Variants in PCDH7 observed in about 807,000 individuals in gnomAD.
PCDH7 encodes protocadherin-7.
In PCDH7, 17 loss-of-function variants were observed where a neutral mutation model predicts 58.9. The ratio of observed to expected loss-of-function variants is 0.29; its 90% CI spans 0.20 to 0.43. The LOEUF (loss-of-function observed/expected upper bound fraction) is 0.43. Among genes scored for constraint, PCDH7 ranks in the 20% least tolerant of loss-of-function variants. The probability of loss-of-function intolerance (pLI) is 1.00; values close to 1 mark genes in which losing one functional copy is unlikely to be tolerated. For synonymous variants in PCDH7, 664 were observed against 616.4 expected (o/e 1.08, Z -1.14); for missense variants, 1,274 against 1,441.0 (o/e 0.88, Z 1.88).
At chr4:31,112,724 G>A (rs1716480811) in intron 3 of PCDH7, among the ~76,000 whole-genome samples, 1 of 152,090 alleles carries the variant, frequency 6.6e-6, no homozygotes, top group African/African-American at 2.4e-5. Flanking sequence ...TACAATGCAG[G>A]TATTTTTACA....
intron 3 of PCDH7, among the ~76,000 whole-genome samples, chr4:31,117,337 G>T (rs1717124122): frequency 6.6e-6 from 1 of 152,172 alleles, no homozygotes; most frequent in African/African-American, 2.4e-5. Context: ...GCAAATGGGT[G>T]CTGTACCCTA....
chr4:30,724,884 C>T, intron 1 of PCDH7: 1 of 1,194,350 alleles, frequency 8.4e-7, no homozygotes, highest in South Asian at 3.7e-5. Context: ...ATTCATACTA[C>T]ATTTTTTTGT....
chr4:30,958,682 T>C (rs767614109), intron 3 of PCDH7, among the ~76,000 whole-genome samples: 4 of 152,016 alleles, frequency 2.6e-5, no homozygotes, highest in Non-Finnish European at 4.4e-5. Flanking sequence ...AAATAAATGA[T>C]TATGGTACAT....
chr4:31,133,497 A>G (rs958547313), intron 3 of PCDH7, among the ~76,000 whole-genome samples: 1 of 152,194 alleles, frequency 6.6e-6, no homozygotes, highest in East Asian at 1.9e-4. Context: ...TTATTGTGGA[A>G]TATATGCCCC....
intron 3 of PCDH7, among the ~76,000 whole-genome samples, chr4:30,950,717 C>T (rs895655495): frequency 6.6e-5 from 10 of 151,950 alleles, no homozygotes; most frequent in African/African-American, 2.2e-4. Context: ...ATCTAAATAC[C>T]CTACAAAGCT....
intron 3 of PCDH7, among the ~76,000 whole-genome samples, chr4:31,012,622 A>G (rs1402343150): frequency 1.3e-5 from 2 of 150,734 alleles, no homozygotes; most frequent in East Asian, 2.2e-4. Context: ...TAACACTTGC[A>G]TTAATCTTGC....
At chr4:31,065,575 A>G (rs562017634) in intron 3 of PCDH7, among the ~76,000 whole-genome samples, 53 of 152,118 alleles carry the variant, frequency 3.5e-4, no homozygotes, top group African/African-American at 1.2e-3. Context: ...CTTTAAAAAA[A>G]TAAGTGGCAT....
intron 1 of PCDH7, among the ~76,000 whole-genome samples, chr4:30,838,081 T>A (rs547990931): frequency 1.7e-4 from 26 of 151,998 alleles, no homozygotes; most frequent in South Asian, 8.3e-4. Flanking sequence ...ACTTCAGTTG[T>A]GTACAGAATG....
intron 3 of PCDH7, among the ~76,000 whole-genome samples, chr4:30,991,121 C>A (rs552667456): frequency 1.3e-5 from 2 of 152,046 alleles, no homozygotes; most frequent in African/African-American, 4.8e-5. Context: ...TTCAAAAAGC[C>A]ATCTATTTTT....
intron 1 of PCDH7, among the ~76,000 whole-genome samples, chr4:30,784,699 A>G (rs1723184684): frequency 6.6e-6 from 1 of 152,092 alleles, no homozygotes; most frequent in African/African-American, 2.4e-5. Flanking sequence ...CGCTTAAGAA[A>G]AGAAGAGAAA....
At chr4:30,894,516 T>C (rs200539662) in intron 1 of PCDH7, among the ~76,000 whole-genome samples, 339 of 32,198 alleles carry the variant, frequency 0.011, 4 homozygotes, top group Admixed American at 0.011. Context: ...TATATATATA[T>C]ACACACACAC....
intron 3 of PCDH7, among the ~76,000 whole-genome samples, chr4:31,043,093 C>T (rs1756013146): frequency 6.6e-6 from 1 of 152,032 alleles, no homozygotes; most frequent in Non-Finnish European, 1.5e-5. Flanking sequence ...GGATTTTTTT[C>T]ATGGGGGCAG....
chr4:31,071,456 TA>T (rs1758536164), intron 3 of PCDH7, among the ~76,000 whole-genome samples: 1 of 152,092 alleles, frequency 6.6e-6, no homozygotes, highest in African/African-American at 2.4e-5. Flanking sequence ...CAGCCTTTCA[TA>T]AACTGAATAA....
chr4:31,071,447 AGCCTT>A (rs889007804), intron 3 of PCDH7, among the ~76,000 whole-genome samples: 7 of 152,076 alleles, frequency 4.6e-5, no homozygotes, highest in African/African-American at 1.7e-4. Flanking sequence ...GAGAGGGGGC[AGCCTT>A]TCATAAACTG....
At chr4:31,059,494 T>C (rs936611361) in intron 3 of PCDH7, among the ~76,000 whole-genome samples, 2 of 151,872 alleles carry the variant, frequency 1.3e-5, no homozygotes, top group African/African-American at 4.8e-5. Flanking sequence ...CTCCAGAGTA[T>C]ATGTAAATAT....
intron 3 of PCDH7, among the ~76,000 whole-genome samples, chr4:30,972,627 C>A (rs1749691129): frequency 6.6e-6 from 1 of 152,182 alleles, no homozygotes; most frequent in Admixed American, 6.6e-5. Context: ...TTATCCACTA[C>A]AACACAAACA....
chr4:30,851,188 G>A (rs1189512408), intron 1 of PCDH7, among the ~76,000 whole-genome samples: 1 of 151,868 alleles, frequency 6.6e-6, no homozygotes, highest in Non-Finnish European at 1.5e-5. Context: ...ACATGCATTT[G>A]TGTTGAGGTA....
At chr4:31,071,757 GGTTTA>G (rs1253353403) in intron 3 of PCDH7, among the ~76,000 whole-genome samples, 1 of 151,806 alleles carries the variant, frequency 6.6e-6, no homozygotes, top group Non-Finnish European at 1.5e-5. Flanking sequence ...ATTTCATTTA[GGTTTA>G]TTCCTTTTGT....
At position 30,722,443 on chromosome 4, in the gene PCDH7, G is replaced by C; in HGVS notation, c.1021G>C (p.Gly341Arg). The C allele has an allele frequency of 6.2e-7, 1 of 1,612,218 alleles. No homozygotes were observed. The highest frequency in any genetic ancestry group is 8.5e-7 in the Non-Finnish European group (1 of 1,179,746). Residue 341 changes from glycine (G) to arginine (R), a missense_variant, in exon 1 of 2, where the codon GGG becomes CGG. By Grantham distance (125) the Gly-to-Arg change is moderately radical. Around this residue, in one of 3 missense-constraint regions of PCDH7, gnomAD observed 331 missense variants for 303.2 expected, o/e 1.09. Transcript: ENST00000361762. The surrounding 1 kb of genome is among the most constrained non-coding windows in gnomAD (Gnocchi z 7.6). ...AGCCGACTTGGACGTGGGGGTCAAC[G>C]GGCAGATCGAATACGTGTTCGGGGC...
Sources: allele counts gnomAD v4.1 joint callset (sites outside exome capture counted in the v4.1 genomes callset), GRCh38; gene constraint gnomAD v4.1.1; regional missense constraint gnomAD v4.1.1; non-coding constraint Gnocchi (gnomAD v3.1); transcripts MANE v1.5; gene names NCBI Gene and HGNC (gene_info 2026-07-23, HGNC 2026-07-21).